INSL6: variants seen among roughly 807,000 people sequenced by gnomAD.
INSL6 encodes the protein insulin-like peptide INSL6.
A neutral mutation model predicts 9.4 loss-of-function variants in INSL6; 16 were observed. That is an observed-to-expected ratio of 1.70 (90% CI 1.15 to 2.59). The LOEUF is 2.59. Ranked by LOEUF, INSL6 falls within the 30% of genes most tolerant of loss-of-function variation. The pLI is 0.00. For missense variants in INSL6, 391 were observed against 257.3 expected, an observed-to-expected ratio of 1.52 and a Z score of -3.56; for synonymous variants, 154 against 96.9, an observed-to-expected ratio of 1.59 and a Z score of -3.46.
the INSL6 span, among the ~76,000 whole-genome samples, chr9:5,014,073 A>G: frequency 5.3e-5 from 8 of 151,920 alleles, no homozygotes; most frequent in Non-Finnish European, 1.2e-4. Context: ...GTTTGAAAAT[A>G]TGAACTTTTA....
the INSL6 span, chr9:5,086,220 C>CT: frequency 2.5e-4 from 151 of 600,460 alleles, 3 homozygotes; most frequent in Admixed American, 1.2e-4. Context: ...CGCGAGGCCA[C>CT]GGTCGGAGTC....
At chr9:5,181,015 CG>C (rs1438676121) in intron 1 of INSL6, among the ~76,000 whole-genome samples, 2 of 152,152 alleles carry the variant, frequency 1.3e-5, no homozygotes, top group East Asian at 3.9e-4. Flanking sequence ...CTGTCACCCC[CG>C]GCGGCCCAGC....
the INSL6 span, among the ~76,000 whole-genome samples, chr9:5,040,780 A>G: frequency 4.6e-5 from 7 of 152,198 alleles, no homozygotes; most frequent in African/African-American, 1.7e-4. Context: ...CGCCCTTAAC[A>G]TGCGGTGGCT....
the INSL6 span, among the ~76,000 whole-genome samples, chr9:5,031,196 C>T: frequency 2.0e-5 from 3 of 152,062 alleles, no homozygotes; most frequent in Non-Finnish European, 2.9e-5. Context: ...AGGCATTTTA[C>T]GGAATTTGAC....
chr9:5,021,529 C>T, the INSL6 span, among the ~76,000 whole-genome samples: 36,069 of 152,238 alleles, frequency 0.24, 4,413 homozygotes, highest in Middle Eastern at 0.27. Flanking sequence ...CGATATTTAT[C>T]CAGTTAATGG....
At chr9:5,050,863 G>A in the INSL6 span, 54 of 1,558,038 alleles carry the variant, frequency 3.5e-5, no homozygotes, top group Admixed American at 9.1e-4. Context: ...TTACACATAA[G>A]TGTGAGTAGA....
chr9:5,062,473 T>C, the INSL6 span, among the ~76,000 whole-genome samples: 1 of 134,268 alleles, frequency 7.4e-6, no homozygotes, highest in Non-Finnish European at 1.5e-5. Context: ...CTTGCTCCAC[T>C]TAAGTTTGTC....
At chr9:5,008,147 T>C in the INSL6 span, among the ~76,000 whole-genome samples, 1 of 152,252 alleles carries the variant, frequency 6.6e-6, no homozygotes, top group South Asian at 2.1e-4. Flanking sequence ...TCAGTACTTT[T>C]AAGAATTATA....
chr9:5,121,222 A>T (rs1325837595), downstream of INSL6, among the ~76,000 whole-genome samples: 1 of 152,196 alleles, frequency 6.6e-6, no homozygotes, highest in East Asian at 1.9e-4. Context: ...TTAGAGCAGG[A>T]TGTGATGTGT....
At chr9:5,118,090 A>G in the INSL6 span, among the ~76,000 whole-genome samples, 1 of 152,310 alleles carries the variant, frequency 6.6e-6, no homozygotes, top group South Asian at 2.1e-4. Context: ...ACTGAATCTA[A>G]ATAGTGCTTG....
chr9:5,066,458 G>C, the INSL6 span, among the ~76,000 whole-genome samples: 1 of 152,000 alleles, frequency 6.6e-6, no homozygotes, highest in Non-Finnish European at 1.5e-5. Flanking sequence ...CCTTTTATTG[G>C]TTTTTAAAGC....
the INSL6 span, among the ~76,000 whole-genome samples, chr9:5,116,522 G>C: frequency 2.6e-5 from 4 of 151,966 alleles, no homozygotes; most frequent in African/African-American, 9.7e-5. Flanking sequence ...GAATTTAATT[G>C]TTTTTATTGT....
chr9:5,093,593 T>C, the INSL6 span, among the ~76,000 whole-genome samples: 1 of 152,172 alleles, frequency 6.6e-6, no homozygotes, highest in East Asian at 1.9e-4. Flanking sequence ...CTTAACCTAC[T>C]ATCTCTGCAT....
the INSL6 span, among the ~76,000 whole-genome samples, chr9:5,032,713 CAG>C: frequency 1.6e-4 from 24 of 152,322 alleles, no homozygotes; most frequent in Middle Eastern, 6.8e-3. Context: ...AACTAACAAA[CAG>C]AAATGACATC....
At chr9:5,182,406 G>A (rs559296932) in intron 1 of INSL6, among the ~76,000 whole-genome samples, 179 of 152,144 alleles carry the variant, frequency 1.2e-3, no homozygotes, top group Non-Finnish European at 2.3e-3. Flanking sequence ...AGGAGAATGG[G>A]AGTGGAGAAA....
the INSL6 span, chr9:5,077,466 G>T: frequency 8.4e-7 from 1 of 1,191,710 alleles, no homozygotes; most frequent in African/African-American, 1.6e-5. Flanking sequence ...TTCTGGTTCA[G>T]GAGTTTGTAA....
intron 1 of INSL6, among the ~76,000 whole-genome samples, chr9:5,165,980 C>T (rs552005823): frequency 6.6e-6 from 1 of 152,268 alleles, no homozygotes; most frequent in East Asian, 1.9e-4. Context: ...CCAAAAGAAA[C>T]CAATCTGTCA....
chr9:5,111,200 G>T, the INSL6 span: 95 of 643,452 alleles, frequency 1.5e-4, no homozygotes, highest in African/African-American at 1.6e-3. Flanking sequence ...CTGGGACCGG[G>T]ACTCGGAGGC....
At chr9:5,165,638 C>T (rs1825034592) in intron 1 of INSL6, among the ~76,000 whole-genome samples, 2 of 152,262 alleles carry the variant, frequency 1.3e-5, no homozygotes, top group Admixed American at 1.3e-4. Context: ...CATCTTACAA[C>T]TGAGCAGTAG....
Sources: allele counts gnomAD v4.1 joint callset (sites outside exome capture counted in the v4.1 genomes callset), GRCh38; gene constraint gnomAD v4.1.1; transcripts MANE v1.5; gene names NCBI Gene and HGNC (gene_info 2026-07-23, HGNC 2026-07-21).